The following SH3PXD2A variants were observed in gnomAD, a reference collection of about 807,000 sequenced individuals.
SH3PXD2A encodes the protein SH3 and PX domains 2A.
SH3PXD2A carries 32 observed loss-of-function variants against 115.2 expected under a neutral mutation model. That is an observed-to-expected ratio of 0.28 (90% CI 0.21 to 0.37). SH3PXD2A has a LOEUF of 0.37. Among genes scored for constraint, SH3PXD2A ranks in the 10% least tolerant of loss-of-function variants. The probability of loss-of-function intolerance (pLI) is 1.00; values close to 1 mark genes in which losing one functional copy is unlikely to be tolerated. For missense variants in SH3PXD2A, 1,328 were observed against 1,498.7 expected, an observed-to-expected ratio of 0.89 and a Z score of 1.88; for synonymous variants, 610 against 629.1, an observed-to-expected ratio of 0.97 and a Z score of 0.45.
At chr10:103,713,092 G>A (rs1372029385) in intron 5 of SH3PXD2A, among the ~76,000 whole-genome samples, 1 of 152,194 alleles carries the variant, frequency 6.6e-6, no homozygotes, top group Non-Finnish European at 1.5e-5. Context: ...TGGCCATGGG[G>A]TGGAGCCAGA....
At position 103,603,575 on chromosome 10, in the gene SH3PXD2A, G is replaced by A. The variant is rs367962270; in HGVS notation, c.1643C>T (p.Pro548Leu). 10 of 1,610,412 alleles carry A rather than the reference G, an allele frequency of 6.2e-6. No homozygotes were observed. The highest frequency in any genetic ancestry group is 1.6e-4 in the Middle Eastern group (1 of 6,062). ...AGGCTCCTCATACTTGAGCTTCCGCGGGGAGTCCTGGCTCTCACTGGCCCC... is the reference window on the plus strand; with the variant it reads ...AGGCTCCTCATACTTGAGCTTCCGCAGGGAGTCCTGGCTCTCACTGGCCCC... ...PTGASESQDS[P>L]RKLKYEEPEY... The change falls in exon 15 of 15, where the codon CCG becomes CTG. Residue 548 changes from proline to leucine, a missense_variant. Pro to Leu is a moderately conservative substitution (Grantham distance 98). Transcript: ENST00000369774.
intron 1 of SH3PXD2A, among the ~76,000 whole-genome samples, chr10:103,838,754 C>T (rs1812502623): frequency 6.6e-6 from 1 of 152,196 alleles, no homozygotes; most frequent in African/African-American, 2.4e-5. Context: ...TCGGTGTGCC[C>T]ACGGCGGCAT....
At chr10:103,719,964 C>T (rs2038162140) in intron 5 of SH3PXD2A, among the ~76,000 whole-genome samples, 1 of 152,222 alleles carries the variant, frequency 6.6e-6, no homozygotes, top group Non-Finnish European at 1.5e-5. Flanking sequence ...AGGTGATCCA[C>T]CCGCCTTGGG....
At chr10:103,727,271 C>T (rs1286519781) in intron 4 of SH3PXD2A, among the ~76,000 whole-genome samples, 1 of 152,162 alleles carries the variant, frequency 6.6e-6, no homozygotes, top group East Asian at 1.9e-4. Context: ...AGCATGCCTC[C>T]AGAATATTCA....
At chr10:103,606,652 G>T (rs1271753469) in intron 13 of SH3PXD2A, among the ~76,000 whole-genome samples, 2 of 152,072 alleles carry the variant, frequency 1.3e-5, no homozygotes, top group Non-Finnish European at 2.9e-5. Flanking sequence ...GCGCCGCCAT[G>T]CCTGACTGGT....
At chr10:103,658,173 C>A (rs902488466) in intron 8 of SH3PXD2A, among the ~76,000 whole-genome samples, 1 of 152,218 alleles carries the variant, frequency 6.6e-6, no homozygotes, top group African/African-American at 2.4e-5. Flanking sequence ...CCAATGAGAG[C>A]ACAGAGGGGC....
rs1290051252 is a variant in SH3PXD2A, at chr10:103,665,559, TCCCGTTGC to T, written c.472+3041_472+3048del. ...CTCTGTCCTTCTGGCTGCCCTTCCC[TCCCGTTGC>T]ACAGGCAGGCTCCCAGCTCTTCCCT... On this transcript the variant is annotated intron_variant, in intron 7 of 14. Coordinates refer to ENST00000369774, the MANE Select transcript of SH3PXD2A (RefSeq NM_001394015.1). This position sits in a 1 kb window ranked among gnomAD's most constrained non-coding sequence, Gnocchi z 4.0. 6.6e-6 allele frequency among the ~76,000 whole-genome samples: 1 copy of T among 152,208 alleles called. No homozygotes were observed. Among genetic ancestry groups the T allele is most frequent in the Non-Finnish European group, 1.5e-5 (1 of 68,030 alleles).
intron 13 of SH3PXD2A, among the ~76,000 whole-genome samples, chr10:103,606,888 G>C (rs375816963): frequency 2.6e-4 from 39 of 152,328 alleles, no homozygotes; most frequent in Non-Finnish European, 5.3e-4. Flanking sequence ...CCCAAAGTGC[G>C]GAGAGTGCAG....
At chr10:103,613,297 T>C in intron 11 of SH3PXD2A, 107 bp from the exon 12 acceptor site, 1 of 844,370 alleles carries the variant, frequency 1.2e-6, no homozygotes, top group South Asian at 1.9e-5. Context: ...TTCCCTACCA[T>C]GTTCTGCAAG....
Position 103,735,734 on chromosome 10 carries a change from G to T in SH3PXD2A, c.304C>A (p.Arg102=). The stretch of plus-strand genomic sequence containing the variant: ...CCCAGCCCCAGATACACTCTCACCC[G>T]GCAGTATTCATCGATGGGCTTCAGT... ...KRLKPIDEYC[R]ALVRLPPHIS... The change falls in exon 4 of 15, where the codon CGG becomes AGG. Residue 102 remains arginine (R), a splice_region_variant and synonymous_variant. Coordinates refer to ENST00000369774, the MANE Select transcript of SH3PXD2A (RefSeq NM_001394015.1). 1.0e-6 allele frequency: 1 copy of T among 960,886 alleles called. No homozygotes were observed. Among genetic ancestry groups the T allele is most frequent in the Non-Finnish European group, 1.5e-6 (1 of 647,890 alleles). The allele number at this position is 960,886 out of a possible 1,614,324, so 59.5% of individuals were successfully genotyped here.
At chr10:103,691,849 C>T (rs563154531) in intron 6 of SH3PXD2A, among the ~76,000 whole-genome samples, 17 of 152,256 alleles carry the variant, frequency 1.1e-4, no homozygotes, top group African/African-American at 4.1e-4. Context: ...CAGCCACACA[C>T]GCCCCCAACA....
Position 103,602,863 on chromosome 10 carries a change from T to C in SH3PXD2A, c.2355A>G (p.Thr785=), listed in dbSNP as rs1336063309. 3 of 1,613,928 alleles carry C rather than the reference T, an allele frequency of 1.9e-6. No homozygotes were observed. Among genetic ancestry groups the C allele is most frequent in the Non-Finnish European group, 2.5e-6 (3 of 1,179,926 alleles). Residue 785 remains threonine (T), a synonymous_variant, in exon 15 of 15, where the codon ACA becomes ACG. Coordinates refer to ENST00000369774, the MANE Select transcript of SH3PXD2A (RefSeq NM_001394015.1). ...CCTTGAGCCCTCCACGGAGCTGGCC[T>C]GTGGGTCTCAGCTGGCGCCGTAAAG... The part of the protein sequence containing the change: ...ISTLRRQLRP[T]GQLRGGLKGS...
intron 1 of SH3PXD2A, among the ~76,000 whole-genome samples, chr10:103,848,977 T>A (rs982499636): frequency 1.0e-4 from 8 of 79,256 alleles, no homozygotes; most frequent in East Asian, 3.9e-4. Flanking sequence ...TTTTTTTTTT[T>A]ACTGATGAGG....
At chr10:103,603,843 A>G in intron 14 of SH3PXD2A, 54 bp from the exon 15 acceptor site, 1 of 1,512,768 alleles carries the variant, frequency 6.6e-7, no homozygotes, top group Non-Finnish European at 8.8e-7. Context: ...GAACCCTATG[A>G]CATCCCAAGG....
intron 13 of SH3PXD2A, among the ~76,000 whole-genome samples, chr10:103,607,507 C>T (rs1242176484): frequency 1.3e-5 from 2 of 149,584 alleles, no homozygotes; most frequent in Admixed American, 6.6e-5. Context: ...CCCGGCCAGC[C>T]GCCCCGTCCG....
chr10:103,751,309 G>A (rs532393095), intron 3 of SH3PXD2A, among the ~76,000 whole-genome samples: 4 of 152,290 alleles, frequency 2.6e-5, no homozygotes, highest in Non-Finnish European at 4.4e-5. Flanking sequence ...CTGTAGGCAC[G>A]GGGGATATAT....
At chr10:103,838,227 C>T (rs1367673464) in intron 1 of SH3PXD2A, among the ~76,000 whole-genome samples, 4 of 152,192 alleles carry the variant, frequency 2.6e-5, no homozygotes, top group Admixed American at 2.6e-4. Flanking sequence ...CTGTCAGGCC[C>T]CAGGGGCTCT....
intron 5 of SH3PXD2A, among the ~76,000 whole-genome samples, chr10:103,714,971 G>C (rs987831231): frequency 1.3e-5 from 2 of 152,202 alleles, no homozygotes; most frequent in African/African-American, 4.8e-5. Flanking sequence ...GGGTGGTAGG[G>C]GCAGCCTCGC....
chr10:103,693,157 G>T, intron 5 of SH3PXD2A, 101 bp from the exon 6 acceptor site: 1 of 910,462 alleles, frequency 1.1e-6, no homozygotes, highest in Non-Finnish European at 1.7e-6. Flanking sequence ...TCGGTCCCCG[G>T]TGCCGCTGCT....
Sources: gnomAD v4.1 joint callset for allele counts (sites outside exome capture counted in the v4.1 genomes callset) on GRCh38, gnomAD v4.1.1 for gene constraint, Gnocchi (gnomAD v3.1) non-coding constraint, MANE v1.5 for transcripts, NCBI Gene and HGNC (gene_info 2026-07-23, HGNC 2026-07-21) for gene names.